CD226: variants seen among roughly 807,000 people sequenced by gnomAD.
CD226 encodes CD226 molecule, also known as CD226 antigen.
In CD226, 24 loss-of-function variants were observed where a neutral mutation model predicts 34.9. The ratio of observed to expected loss-of-function variants is 0.69; its 90% confidence interval spans 0.50 to 0.97. The LOEUF is 0.97. Among genes scored for constraint, CD226 ranks in the 50% least tolerant of loss-of-function variants. The pLI is 0.00. For synonymous variants in CD226, 148 were observed against 147.4 expected, an observed-to-expected ratio of 1.00 and a Z score of -0.03; for missense variants, 397 against 412.7, an observed-to-expected ratio of 0.96 and a Z score of 0.33.
chr18:69,888,416 C>CTTTT (rs397771802), intron 3 of CD226, among the ~76,000 whole-genome samples: 6 of 125,034 alleles, frequency 4.8e-5, no homozygotes, highest in Non-Finnish European at 6.5e-5. Flanking sequence ...TTTCCTTTCT[C>CTTTT]TTTTTTTTTT....
rs918772709 is a variant in CD226 at position 69,863,632 on chromosome 18, G to C, written c.*682C>G. The C allele has an allele frequency of 2.6e-5, 4 of 152,026 alleles. No individual in the cohort carries two copies. Among genetic ancestry groups the C allele is most frequent in the African/African-American group, 9.7e-5 (4 of 41,380 alleles). The allele number at this position is 152,026 out of a possible 1,614,324, so 9.4% of individuals were successfully genotyped here. A position where few individuals can be genotyped will look rare whatever the true frequency, so the allele number is the denominator to read the frequency against. ...ACTTTTTAGTTAACAAAAATGTCTT[G>C]GTTAATCACTGCAGTCAATATTTGT... is the stretch of plus-strand genomic sequence containing the variant. On this transcript the variant is annotated 3_prime_UTR_variant, in exon 6 of 6. Coordinates refer to ENST00000582621, the MANE Select transcript of CD226 (RefSeq NM_001303618.2).
chr18:69,884,585 G>A (rs1168567948), intron 3 of CD226, among the ~76,000 whole-genome samples: 1 of 152,198 alleles, frequency 6.6e-6, no homozygotes, highest in African/African-American at 2.4e-5. Context: ...CCTTTGAAAT[G>A]TAACCATCAA....
chr18:69,887,322 TACACAC>T (rs5825978), intron 3 of CD226, among the ~76,000 whole-genome samples: 11 of 150,412 alleles, frequency 7.3e-5, no homozygotes, highest in South Asian at 4.2e-4. Flanking sequence ...CACCTACACA[TACACAC>T]ACACACACAC....
intron 2 of CD226, among the ~76,000 whole-genome samples, chr18:69,912,713 C>A (rs2055340547): frequency 6.6e-6 from 1 of 152,168 alleles, no homozygotes; most frequent in Admixed American, 6.5e-5. Context: ...TTATTATCTG[C>A]TTGTGACTAT....
intron 3 of CD226, among the ~76,000 whole-genome samples, chr18:69,880,660 T>TC (rs1206689702): frequency 6.6e-6 from 1 of 150,498 alleles, no homozygotes; most frequent in African/African-American, 2.4e-5. Flanking sequence ...TTTCTTTTTT[T>TC]TTTTTTTTTG....
At chr18:69,950,971 T>TTGTGTGTGTATG, upstream of CD226, among the ~76,000 whole-genome samples, 1 of 132,714 alleles carries the variant, frequency 7.5e-6, no homozygotes, top group African/African-American at 2.9e-5. Context: ...AACTATGATT[T>TTGTGTGTGTATG]TGTGTGTGTG....
chr18:69,907,142 A>T (rs991792786), intron 2 of CD226, among the ~76,000 whole-genome samples: 2 of 152,114 alleles, frequency 1.3e-5, no homozygotes, highest in Non-Finnish European at 2.9e-5. Context: ...AGATCCCCTG[A>T]TGGGTTTCCC....
rs1982618287 is a variant in CD226 at position 69,856,645 on chromosome 18, G to C, written c.*7669C>G. On this transcript the variant is annotated 3_prime_UTR_variant, in exon 6 of 6. Transcript: ENST00000582621. ...ATGAAATTAAGTTAGAAATCTGTAAGAGATATAAAGTAGAAAAATCCCAAA... is the reference window on the plus strand; with the variant it reads ...ATGAAATTAAGTTAGAAATCTGTAACAGATATAAAGTAGAAAAATCCCAAA... 1 of 152,068 alleles carries C rather than the reference G, an allele frequency of 6.6e-6. No homozygotes were observed. The highest frequency in any genetic ancestry group is 2.1e-4 in the South Asian group (1 of 4,834). The allele number at this position is 152,068 out of a possible 1,614,324, so 9.4% of individuals were successfully genotyped here.
chr18:69,868,359 T>C (rs1255823704), intron 4 of CD226, among the ~76,000 whole-genome samples: 1 of 152,206 alleles, frequency 6.6e-6, no homozygotes, highest in East Asian at 1.9e-4. Context: ...TGTAATTCCT[T>C]TGTGAATATC....
At chr18:69,873,387 A>G in intron 3 of CD226, 141 bp from the exon 4 acceptor site, 1 of 544,660 alleles carries the variant, frequency 1.8e-6, no homozygotes, top group Non-Finnish European at 3.2e-6. Flanking sequence ...AATGAGTTAC[A>G]GGAAAAAGAG....
rs116463844 is a variant in CD226 at position 69,887,040 on chromosome 18, A to T, written c.727+8661T>A. Among the ~76,000 whole-genome samples the T allele has an allele frequency of 9.5e-3, 1,444 of 152,324 alleles. 26 individuals carry two copies. Among genetic ancestry groups the T allele is most frequent in the African/African-American group, 0.033 (1,379 of 41,578 alleles). ...TAACCCATCTCATCTCTCTTTTTTAAAAAGAGCCAATAATTTAAAAATGAA... is the reference window on the plus strand; with the variant it reads ...TAACCCATCTCATCTCTCTTTTTTATAAAGAGCCAATAATTTAAAAATGAA... On this transcript the variant is annotated intron_variant, in intron 3 of 5. Transcript: ENST00000582621.
intron 2 of CD226, among the ~76,000 whole-genome samples, chr18:69,900,688 C>T (rs960740558): frequency 3.4e-5 from 5 of 147,628 alleles, no homozygotes; most frequent in Admixed American, 1.4e-4. Flanking sequence ...GCCGAGATTG[C>T]GCCACTGCAG....
At chr18:69,899,117 C>G (rs1985466244) in intron 2 of CD226, among the ~76,000 whole-genome samples, 1 of 152,148 alleles carries the variant, frequency 6.6e-6, no homozygotes, top group Admixed American at 6.5e-5. Context: ...GCTTCTCTGG[C>G]TTGACCACAA....
chr18:69,929,843 G>A (rs2055567724), intron 2 of CD226, among the ~76,000 whole-genome samples: 2 of 152,038 alleles, frequency 1.3e-5, no homozygotes, highest in South Asian at 4.1e-4. Context: ...TATTTCACAC[G>A]CAACATCGAA....
intron 2 of CD226, among the ~76,000 whole-genome samples, chr18:69,944,865 T>C (rs1264877300): frequency 6.6e-6 from 1 of 152,228 alleles, no homozygotes; most frequent in East Asian, 1.9e-4. Flanking sequence ...TAAAGAAACA[T>C]TGTAAATTGA....
At chr18:69,885,231 T>A (rs8091225) in intron 3 of CD226, among the ~76,000 whole-genome samples, 1 of 152,214 alleles carries the variant, frequency 6.6e-6, no homozygotes, top group Non-Finnish European at 1.5e-5. Context: ...TATTATGTAT[T>A]TAGCTGTACA....
At chr18:69,955,460 G>A (rs1375649213) in intron 1 of CD226, among the ~76,000 whole-genome samples, 1 of 152,146 alleles carries the variant, frequency 6.6e-6, no homozygotes, top group East Asian at 1.9e-4. Context: ...ACTGGGGCTG[G>A]GAAGATTATA....
chr18:69,911,136 T>C (rs1244499539), intron 2 of CD226, among the ~76,000 whole-genome samples: 1 of 152,234 alleles, frequency 6.6e-6, no homozygotes. Flanking sequence ...AAAGTATAAA[T>C]TTCTCTGTCT....
chr18:69,924,550 CAA>C (rs79328097), intron 2 of CD226, among the ~76,000 whole-genome samples: 1 of 94,492 alleles, frequency 1.1e-5, no homozygotes, highest in African/African-American at 3.6e-5. Flanking sequence ...CCTAGACTTA[CAA>C]AAAAAAAAAA....
Sources: allele counts gnomAD v4.1 joint callset (sites outside exome capture counted in the v4.1 genomes callset), GRCh38; gene constraint gnomAD v4.1.1; transcripts MANE v1.5; gene names NCBI Gene and HGNC (gene_info 2026-07-23, HGNC 2026-07-21).